The following HLF variants were observed in gnomAD, a reference collection of about 807,000 sequenced individuals.
HLF encodes the protein hepatic leukemia factor.
Under a neutral mutation model 22.6 loss-of-function variants are expected in HLF, and 3 were observed. That is an observed-to-expected ratio of 0.13 (90% CI 0.06 to 0.34). HLF has a LOEUF of 0.34. Ranked by LOEUF, HLF falls within the 10% of genes least tolerant of loss-of-function variation. HLF has a pLI of 1.00. For synonymous variants in HLF, 151 were observed against 151.8 expected, an observed-to-expected ratio of 0.99 and a Z score of 0.04; for missense variants, 299 against 389.2, an observed-to-expected ratio of 0.77 and a Z score of 1.95.
Position 55,265,404 on chromosome 17 carries a change from G to GA in HLF, c.-77dup, listed in dbSNP as rs1190985001. 1.2e-6 allele frequency: 1 copy of GA among 836,466 alleles called. No homozygotes were observed. Among genetic ancestry groups the GA allele is most frequent in the Non-Finnish European group, 2.0e-6 (1 of 505,768 alleles). The allele number at this position is 836,466 out of a possible 1,614,324, so 51.8% of individuals were successfully genotyped here. A position where few individuals can be genotyped will look rare whatever the true frequency, so the allele number is the denominator to read the frequency against. ...CGAGTACTTTTGGCAAAGGACGGAG[G>GA]AAAAGCTCAGCAACATTTTAGGGGG... is the stretch of plus-strand genomic sequence containing the variant. On this transcript the variant is annotated 5_prime_UTR_variant, in exon 1 of 4. Transcript: ENST00000226067.
intron 2 of HLF, among the ~76,000 whole-genome samples, chr17:55,269,493 C>T (rs1478204386): frequency 6.6e-6 from 1 of 152,110 alleles, no homozygotes; most frequent in Non-Finnish European, 1.5e-5. Context: ...GGAACAGAGC[C>T]CCAGTGAGAG....
Position 55,321,026 on chromosome 17 carries a change from T to C in HLF, c.*147T>C. ...TCCCATTTTGGTGTGCATCTGTGTG[T>C]GTGTGCGTGTATATGTGCTTGTGCT... On this transcript the variant is annotated 3_prime_UTR_variant, in exon 4 of 4. Transcript: ENST00000226067. 1 of 646,882 alleles carries C rather than the reference T, an allele frequency of 1.5e-6. No individual in the cohort carries two copies. Among genetic ancestry groups the C allele is most frequent in the Non-Finnish European group, 2.8e-6 (1 of 362,510 alleles). 40.1% of individuals were successfully genotyped at this position (646,882 alleles called of 1,614,324 possible). A position where few individuals can be genotyped will look rare whatever the true frequency, so the allele number is the denominator to read the frequency against.
chr17:55,286,776 G>A (rs1398196271), intron 2 of HLF, among the ~76,000 whole-genome samples: 1 of 152,064 alleles, frequency 6.6e-6, no homozygotes, highest in African/African-American at 2.4e-5. Flanking sequence ...TGTTACTTTT[G>A]CCATCAGTAT....
At chr17:55,275,062 A>G (rs2080893598) in intron 2 of HLF, among the ~76,000 whole-genome samples, 1 of 152,092 alleles carries the variant, frequency 6.6e-6, no homozygotes, top group Admixed American at 6.5e-5. Flanking sequence ...GGCTCATGGG[A>G]TTAAATAAAC....
At chr17:55,274,280 T>C (rs371718196) in intron 2 of HLF, among the ~76,000 whole-genome samples, 30 of 151,788 alleles carry the variant, frequency 2.0e-4, no homozygotes, top group Middle Eastern at 3.4e-3. Flanking sequence ...AAAATGGAGG[T>C]AAGAGGGAAG....
intron 2 of HLF, among the ~76,000 whole-genome samples, chr17:55,307,432 G>C (rs937454800): frequency 1.3e-5 from 2 of 151,570 alleles, no homozygotes; most frequent in African/African-American, 4.8e-5. Flanking sequence ...GCCTCCCAAA[G>C]TGCTGGCATT....
intron 2 of HLF, among the ~76,000 whole-genome samples, chr17:55,281,311 C>T (rs959794098): frequency 1.3e-5 from 2 of 152,042 alleles, no homozygotes; most frequent in African/African-American, 4.8e-5. Flanking sequence ...GTCAGGAGCT[C>T]GAGACCAGCC....
chr17:55,312,128 G>T (rs1904856761), intron 2 of HLF, among the ~76,000 whole-genome samples: 1 of 152,216 alleles, frequency 6.6e-6, no homozygotes, highest in South Asian at 2.1e-4. Flanking sequence ...CGATGAACAT[G>T]CGAGTGCAGG....
At position 55,276,615 on chromosome 17, in the gene HLF, A is replaced by C. The variant is rs115135218; in HGVS notation, c.451+8529A>C. Among the ~76,000 whole-genome samples the C allele has an allele frequency of 9.8e-3, 1,487 of 152,286 alleles. 26 individuals carry two copies. The highest frequency in any genetic ancestry group is 0.034 in the African/African-American group (1,412 of 41,552). On this transcript the variant is annotated intron_variant, in intron 2 of 3. Coordinates refer to ENST00000226067, the MANE Select transcript of HLF (RefSeq NM_002126.5). ...AAGTTATAGAGGCAGGAATGCCCAC[A>C]GGGTGTTTTAGGCAACAGGGTGTAG...
In HLF at chr17:55,323,732, C is replaced by T. The variant is rs913086620; in HGVS notation, c.*2853C>T. ...CAGATCTGCTTCATGGAGCGGGAGG[C>T]CATGGCTTGACTCTGAGTGATTTGG... On this transcript the variant is annotated 3_prime_UTR_variant, in exon 4 of 4. Coordinates refer to ENST00000226067, the MANE Select transcript of HLF (RefSeq NM_002126.5). The T allele has an allele frequency of 3.0e-5, 7 of 230,580 alleles. No homozygotes were observed. Among genetic ancestry groups the T allele is most frequent in the African/African-American group, 8.8e-5 (4 of 45,206 alleles). 14.3% of individuals were successfully genotyped at this position (230,580 alleles called of 1,614,324 possible).
chr17:55,280,439 G>A (rs1394233426), intron 2 of HLF, among the ~76,000 whole-genome samples: 2 of 152,208 alleles, frequency 1.3e-5, no homozygotes, highest in Non-Finnish European at 2.9e-5. Flanking sequence ...AGCCCTGGCT[G>A]TGTCTTCCAT....
chr17:55,290,142 G>A (rs2081047114), intron 2 of HLF, among the ~76,000 whole-genome samples: 1 of 152,158 alleles, frequency 6.6e-6, no homozygotes, highest in African/African-American at 2.4e-5. Flanking sequence ...AGAAGGCCTT[G>A]GTACAGCCTC....
chr17:55,287,438 C>G (rs1033202479), intron 2 of HLF, among the ~76,000 whole-genome samples: 1 of 152,200 alleles, frequency 6.6e-6, no homozygotes, highest in African/African-American at 2.4e-5. Context: ...TGTGTAAGCC[C>G]TGGCCAGTTG....
At chr17:55,286,732 C>T (rs772532927) in intron 2 of HLF, among the ~76,000 whole-genome samples, 1 of 152,214 alleles carries the variant, frequency 6.6e-6, no homozygotes, top group Non-Finnish European at 1.5e-5. Flanking sequence ...CAGCGCCAAG[C>T]CTTATTCAGA....
intron 3 of HLF, 132 bp downstream of exon 3, chr17:55,315,579 G>T: frequency 1.4e-6 from 1 of 695,640 alleles, no homozygotes; most frequent in South Asian, 1.8e-5. Flanking sequence ...CTGTTTCTTG[G>T]CATGTGACTT....
chr17:55,308,084 G>A (rs769121066), intron 2 of HLF, among the ~76,000 whole-genome samples: 3 of 152,176 alleles, frequency 2.0e-5, no homozygotes, highest in Non-Finnish European at 4.4e-5. Flanking sequence ...GTGAGGTAGA[G>A]CCGTGGATCT....
chr17:55,295,626 C>T (rs772343963), intron 2 of HLF, among the ~76,000 whole-genome samples: 1 of 152,228 alleles, frequency 6.6e-6, no homozygotes, highest in African/African-American at 2.4e-5. Context: ...TGTGGCAACA[C>T]ACCCACTTCC....
At chr17:55,300,843 C>T (rs569886342) in intron 2 of HLF, among the ~76,000 whole-genome samples, 7 of 152,322 alleles carry the variant, frequency 4.6e-5, no homozygotes, top group African/African-American at 1.7e-4. Flanking sequence ...GTCCTTTGCT[C>T]TAATTGCATC....
chr17:55,324,597 G>T lies in HLF; in HGVS notation c.*3718G>T, dbSNP rs540216004. Reference sequence around the variant, plus strand: ...AGCACTGGGGTCTCAGCACCCTGCAGGTGTCTGAGACTAAGTGATCTGCCC... The same window carrying T: ...AGCACTGGGGTCTCAGCACCCTGCATGTGTCTGAGACTAAGTGATCTGCCC... On this transcript the variant is annotated 3_prime_UTR_variant, in exon 4 of 4. Coordinates refer to ENST00000226067, the MANE Select transcript of HLF (RefSeq NM_002126.5). 4.3e-6 allele frequency: 1 copy of T among 232,722 alleles called. No homozygotes were observed. The highest frequency in any genetic ancestry group is 2.2e-5 in the African/African-American group (1 of 45,430). 14.4% of individuals were successfully genotyped at this position (232,722 alleles called of 1,614,324 possible). A position where few individuals can be genotyped will look rare whatever the true frequency, so the allele number is the denominator to read the frequency against.
Sources: gnomAD v4.1 joint callset for allele counts (sites outside exome capture counted in the v4.1 genomes callset) on GRCh38, gnomAD v4.1.1 for gene constraint, MANE v1.5 for transcripts, NCBI Gene and HGNC (gene_info 2026-07-23, HGNC 2026-07-21) for gene names.